The following PITPNM1 variants were observed in gnomAD, a reference collection of about 807,000 sequenced individuals.
The protein encoded by PITPNM1 is phosphatidylinositol transfer protein membrane associated 1.
Under a neutral mutation model 133.3 loss-of-function variants are expected in PITPNM1, and 74 were observed. The ratio of observed to expected loss-of-function variants is 0.56; its 90% CI spans 0.46 to 0.67. The LOEUF is 0.67. PITPNM1 is among the 30% of genes least tolerant of loss of function. The pLI is 0.00. For missense variants in PITPNM1, 1,398 were observed against 1,739.5 expected (o/e 0.80, Z 3.49); for synonymous variants, 738 against 741.4 (o/e 1.00, Z 0.08).
In PITPNM1 at chr11:67,496,239, G is replaced by A. The variant is rs1866116616; in HGVS notation, c.2256C>T (p.Ala752=). The A allele has an allele frequency of 6.4e-7, 1 of 1,560,002 alleles. No individual in the cohort carries two copies. ...TCTGGTAGCGGGGCACGGTCAGTGG[G>A]GCGATGGCCTGGAACTTCGGGGCCA... ...PLLAPKFQAI[A]PLTVPRYQKF... The change falls in exon 15 of 24, where the codon GCC becomes GCT. Residue 752 remains alanine, a synonymous_variant. Transcript: ENST00000356404.
At position 67,497,835 on chromosome 11, in the gene PITPNM1, G is replaced by A. The variant is rs531612516; in HGVS notation, c.1782+82C>T. ...AGCAGGGGGCCTGCCTGCTGGCAGA[G>A]GGGTGGCATTCCAGGGGGCAGAGAC... On this transcript the variant is annotated intron_variant, in intron 12 of 23. Transcript: ENST00000356404. The A allele has an allele frequency of 4.1e-6, 6 of 1,478,494 alleles. No homozygotes were observed. The African/African-American group carries it at 4.2e-5, about 10-fold the overall frequency. The allele number at this position is 1,478,494 out of a possible 1,614,324, so 91.6% of individuals were successfully genotyped here.
At chr11:67,499,697 G>T in intron 8 of PITPNM1, 26 bp downstream of exon 8, 1 of 1,281,516 alleles carries the variant, frequency 7.8e-7, no homozygotes, top group Non-Finnish European at 1.1e-6. Context: ...GGTGCTGGGG[G>T]CCGGTGTCCT....
rs931546821 is a variant in PITPNM1 at position 67,493,392 on chromosome 11, C to T, written c.3342+18G>A. ...CGGGGGCGGGGTCAGGACCCGGAGCCTCCCCCAGCCGCCGCACCTCCTGCA... is the reference window on the plus strand; with the variant it reads ...CGGGGGCGGGGTCAGGACCCGGAGCTTCCCCCAGCCGCCGCACCTCCTGCA... On this transcript the variant is annotated intron_variant, in intron 22 of 23. Transcript: ENST00000356404. 1 of 1,553,460 alleles carries T rather than the reference C, an allele frequency of 6.4e-7. No individual in the cohort carries two copies. Among genetic ancestry groups the T allele is most frequent in the Non-Finnish European group, 8.7e-7 (1 of 1,144,770 alleles).
rs774273308 is a variant in PITPNM1 at position 67,498,676 on chromosome 11, G to A, written c.1404C>T (p.Phe468=). The change falls in exon 10 of 24, where the codon TTC becomes TTT. Residue 468 remains phenylalanine (F), a synonymous_variant. Coordinates refer to ENST00000356404, the MANE Select transcript of PITPNM1 (RefSeq NM_004910.3). This position sits in a 1 kb window ranked among gnomAD's most constrained non-coding sequence, Gnocchi z 5.7. ...GCGCCACGTGGCCCAAGGCCTCAGG[G>A]AAGTGGATGCGGGTGACGGCCTCGA... ...SAFEAVTRIH[F]PEALGHVALR... 7.5e-6 allele frequency: 12 copies of A among 1,602,770 alleles called. No homozygotes were observed. In the African/African-American group the frequency reaches 1.3e-4, roughly 18 times the overall value.
rs138310366 is a variant in PITPNM1 at position 67,493,939 on chromosome 11, G to A, written c.2991C>T (p.Pro997=). 7 of 1,585,590 alleles carry A rather than the reference G, an allele frequency of 4.4e-6. No individual in the cohort carries two copies. Among genetic ancestry groups the A allele is most frequent in the East Asian group, 2.3e-5 (1 of 44,430 alleles). ...PERALGIGVY[P]VRMVVRGDHT... is the part of the protein sequence containing the mutation. ...GCGCTCACCTGACCACCATGCGCAC[G>A]GGGTAGACACCAATGCCCAGCGCGC... The change falls in exon 20 of 24, where the codon CCC becomes CCT. Residue 997 remains proline, a synonymous_variant. Transcript: ENST00000356404.
chr11:67,500,298 C>A lies in PITPNM1; in HGVS notation c.764G>T (p.Arg255Leu). The change falls in exon 6 of 24, where the codon CGC (arginine) becomes CTC (leucine). Residue 255 changes from arginine to leucine, a missense_variant. By Grantham distance (102) the Arg-to-Leu change is moderately radical (BLOSUM62 -2). Transcript: ENST00000356404. ...ACTGCCTGTGTTGCACTTGGCCATG[C>A]GCTGGGCCAGCATGCGAGCAGTCTC... ...EEETARMLAQRMAKCNTGSEG... is the reference protein window; with the variant it reads ...EEETARMLAQLMAKCNTGSEG... 1 of 1,611,064 alleles carries A rather than the reference C, an allele frequency of 6.2e-7. No homozygotes were observed.
intron 2 of PITPNM1, among the ~76,000 whole-genome samples, chr11:67,503,308 G>A (rs533934154): frequency 6.6e-6 from 1 of 152,356 alleles, no homozygotes; most frequent in Admixed American, 6.5e-5. Context: ...TACTGGATGT[G>A]CTGGCAGGTG....
At position 67,493,963 on chromosome 11, in the gene PITPNM1, G is replaced by T. The variant is rs762721774; in HGVS notation, c.2967C>A (p.Arg989=). 1.7e-4 allele frequency: 271 copies of T among 1,609,706 alleles called. No individual in the cohort carries two copies. Among genetic ancestry groups the T allele is most frequent in the African/African-American group, 2.1e-4 (16 of 74,888 alleles). Reference sequence around the variant, plus strand: ...CGGGGTAGACACCAATGCCCAGCGCGCGTTCTGGGGGAACTGGGAAGGTGA... The same window carrying T: ...CGGGGTAGACACCAATGCCCAGCGCTCGTTCTGGGGGAACTGGGAAGGTGA... The part of the protein sequence containing the change: ...GRLTFPVPPE[R]ALGIGVYPVR... Residue 989 remains arginine, a synonymous_variant, in exon 20 of 24, where the codon CGC becomes CGA. Transcript: ENST00000356404.
At position 67,492,249 on chromosome 11, in the gene PITPNM1, G is replaced by C. The variant is rs147421117; in HGVS notation, c.3519C>G (p.Gly1173=). ...GTCCCGAGGAGGCATGCGAGTGCGA[G>C]CCCGCTTCCAGCTGGCCCAGGTGGG... ...YVAHLGQLEA[G]SHSHASSGPP... Residue 1173 remains glycine, a synonymous_variant, in exon 24 of 24, where the codon GGC becomes GGG. Coordinates refer to ENST00000356404, the MANE Select transcript of PITPNM1 (RefSeq NM_004910.3). The C allele has an allele frequency of 6.3e-7, 1 of 1,599,292 alleles. No individual in the cohort carries two copies. The highest frequency in any genetic ancestry group is 8.5e-7 in the Non-Finnish European group (1 of 1,171,298).
chr11:67,495,644 GCTC>G, intron 15 of PITPNM1, 42 bp from the exon 16 acceptor site: 1 of 1,504,250 alleles, frequency 6.6e-7, no homozygotes, highest in Non-Finnish European at 8.8e-7. Context: ...CGGCCAGGTG[GCTC>G]TCCTGTCTTC....
chr11:67,503,924 T>A (rs942464423), intron 2 of PITPNM1, 179 bp downstream of exon 2: 21 of 522,666 alleles, frequency 4.0e-5, no homozygotes, highest in Non-Finnish European at 7.2e-5. Context: ...ACTTAGCGGA[T>A]GGGAAGCACC....
In PITPNM1 at chr11:67,497,602, G is replaced by T. The variant is rs201803311; in HGVS notation, c.1860C>A (p.Gly620=). The T allele has an allele frequency of 6.6e-5, 106 of 1,607,400 alleles. No individual in the cohort carries two copies. In the East Asian group the frequency reaches 2.4e-3, roughly 36 times the overall value. The part of the protein sequence containing the change: ...LADGVEGLGR[G]SPEPSALPPQ... ...GAGGCAAGGCCGAGGGTTCTGGGCT[G>T]CCCCGACCCAGGCCTTCCACACCAT... The change falls in exon 13 of 24, where the codon GGC becomes GGA. Residue 620 remains glycine (G), a synonymous_variant. Transcript: ENST00000356404.
At chr11:67,500,540 C>T in intron 5 of PITPNM1, 119 bp from the exon 6 acceptor site, 1 of 944,150 alleles carries the variant, frequency 1.1e-6, no homozygotes. Flanking sequence ...CCCAGAGCCA[C>T]AAAGTAGGGC....
In PITPNM1 at chr11:67,504,080, TGCCCTCTCCCCGCC is replaced by T. The variant is rs919070988; in HGVS notation, c.78+9_78+22del. On this transcript the variant is annotated intron_variant, in intron 2 of 23. Coordinates refer to ENST00000356404, the MANE Select transcript of PITPNM1 (RefSeq NM_004910.3). The surrounding 1 kb of genome is among the most constrained non-coding windows in gnomAD (Gnocchi z 5.4). ...GGCAGGGCTCCACCCCTTGCCCGGG[TGCCCTCTCCCCGCC>T]GCCCTCACCTGGATCATGTAGAGCT... 1 of 1,559,676 alleles carries T rather than the reference TGCCCTCTCCCCGCC, an allele frequency of 6.4e-7. No homozygotes were observed. Among genetic ancestry groups the T allele is most frequent in the Non-Finnish European group, 8.7e-7 (1 of 1,153,098 alleles).
At position 67,504,217 on chromosome 11, in the gene PITPNM1, T is replaced by G; in HGVS notation, c.-37A>C. ...TCGGCGGGCCGCGCGCGGCCTCCGC[T>G]CCTCCTGGCGCAGGGCACGGCGCGA... On this transcript the variant is annotated 5_prime_UTR_variant, in exon 2 of 24. Coordinates refer to ENST00000356404, the MANE Select transcript of PITPNM1 (RefSeq NM_004910.3). This position sits in a 1 kb window ranked among gnomAD's most constrained non-coding sequence, Gnocchi z 5.4. 6.6e-7 allele frequency: 1 copy of G among 1,503,810 alleles called. No individual in the cohort carries two copies. The highest frequency in any genetic ancestry group is 1.9e-5 in the Admixed American group (1 of 52,092). 93.2% of individuals were successfully genotyped at this position (1,503,810 alleles called of 1,614,324 possible).
At position 67,498,502 on chromosome 11, in the gene PITPNM1, C is replaced by A; in HGVS notation, c.1484+94G>T. On this transcript the variant is annotated intron_variant, in intron 10 of 23. Coordinates refer to ENST00000356404, the MANE Select transcript of PITPNM1 (RefSeq NM_004910.3). The surrounding 1 kb of genome is among the most constrained non-coding windows in gnomAD (Gnocchi z 5.7). ...AGGTCCAGCCATGCCAGTGACCGACCCAGGTGTCTGGCTTCCTGACCCCTT... is the reference window on the plus strand; with the variant it reads ...AGGTCCAGCCATGCCAGTGACCGACACAGGTGTCTGGCTTCCTGACCCCTT... 6.6e-7 allele frequency: 1 copy of A among 1,525,502 alleles called. No homozygotes were observed. Among genetic ancestry groups the A allele is most frequent in the Non-Finnish European group, 8.8e-7 (1 of 1,133,718 alleles). 94.5% of individuals were successfully genotyped at this position (1,525,502 alleles called of 1,614,324 possible). A position where few individuals can be genotyped will look rare whatever the true frequency, so the allele number is the denominator to read the frequency against.
In PITPNM1 at chr11:67,494,260, G is replaced by C; in HGVS notation, c.2843C>G (p.Thr948Arg). The change falls in exon 19 of 24, where the codon ACG becomes AGG. Residue 948 changes from threonine to arginine, a missense_variant. By Grantham distance (71) the Thr-to-Arg change is moderately conservative. Transcript: ENST00000356404. ...GGTCCTGACCTTCTCTCCAGTGAGC[G>C]TGACGACGTCCAGGGGCCCGTACAT... ...RFMYGPLDVV[T>R]LTGEKVDVYI... 1 of 1,612,584 alleles carries C rather than the reference G, an allele frequency of 6.2e-7. No individual in the cohort carries two copies.
At chr11:67,496,576 G>A in intron 14 of PITPNM1, 2 of 511,226 alleles carry the variant, frequency 3.9e-6, no homozygotes, top group South Asian at 5.7e-5. Flanking sequence ...GAAGCAGATG[G>A]ATCACTTGAG....
At position 67,502,477 on chromosome 11, in the gene PITPNM1, C is replaced by G. The variant is rs758845397; in HGVS notation, c.293+27G>C. On this transcript the variant is annotated intron_variant, in intron 3 of 23. Coordinates refer to ENST00000356404, the MANE Select transcript of PITPNM1 (RefSeq NM_004910.3). The surrounding 1 kb of genome is among the most constrained non-coding windows in gnomAD (Gnocchi z 5.9). ...ACCAGGGCCGCTCCCCTCCTGGCCT[C>G]GGACCATGCCCAGCTCACCCACTCA... is the stretch of plus-strand genomic sequence containing the variant. 1 of 1,613,496 alleles carries G rather than the reference C, an allele frequency of 6.2e-7. No individual in the cohort carries two copies. The highest frequency in any genetic ancestry group is 8.5e-7 in the Non-Finnish European group (1 of 1,179,936).
Sources: allele counts gnomAD v4.1 joint callset (sites outside exome capture counted in the v4.1 genomes callset), GRCh38; gene constraint gnomAD v4.1.1; non-coding constraint Gnocchi (gnomAD v3.1); transcripts MANE v1.5; gene names NCBI Gene and HGNC (gene_info 2026-07-23, HGNC 2026-07-21).